CKAP2: variants seen among roughly 807,000 people sequenced by gnomAD.
The protein encoded by CKAP2 is cytoskeleton associated protein 2, also known as cytoskeleton-associated protein 2.
Under a neutral mutation model 58.4 loss-of-function variants are expected in CKAP2, and 46 were observed. The observed-to-expected ratio is 0.79, with a 90% CI of 0.62 to 1.01. CKAP2 has a LOEUF of 1.01. CKAP2 is among the 50% of genes least tolerant of loss of function. The pLI is 0.00. For missense variants in CKAP2, 809 were observed against 796.4 expected (o/e 1.02, Z -0.19); for synonymous variants, 293 against 280.9 (o/e 1.04, Z -0.43).
chr13:52,473,989 A>G lies in CKAP2; in HGVS notation c.1707A>G (p.Thr569=), dbSNP rs1202642152. ...GTGAAAAAGAGCAAGACAACAAAACAAAAGATCCAACCCATGATGTTAAAA... is the reference window on the plus strand; with the variant it reads ...GTGAAAAAGAGCAAGACAACAAAACGAAAGATCCAACCCATGATGTTAAAA... The part of the protein sequence containing the change: ...QDCEKEQDNK[T]KDPTHDVKTP... The change falls in exon 8 of 9, where the codon ACA becomes ACG. Residue 569 remains threonine (T), a synonymous_variant. Coordinates refer to ENST00000258607, the MANE Select transcript of CKAP2 (RefSeq NM_018204.5). 6.2e-7 allele frequency: 1 copy of G among 1,614,146 alleles called. No individual in the cohort carries two copies. Among genetic ancestry groups the G allele is most frequent in the Non-Finnish European group, 8.5e-7 (1 of 1,180,012 alleles).
chr13:52,475,225 C>A lies in CKAP2; in HGVS notation c.*84C>A. ...GAGTAGCTTTATATTGCTCTTAGGT[C>A]TGGAGTTGGCCATGTACCTATGTAT... On this transcript the variant is annotated 3_prime_UTR_variant, in exon 9 of 9. Coordinates refer to ENST00000258607, the MANE Select transcript of CKAP2 (RefSeq NM_018204.5). 1 of 1,511,160 alleles carries A rather than the reference C, an allele frequency of 6.6e-7. No homozygotes were observed. Among genetic ancestry groups the A allele is most frequent in the Non-Finnish European group, 8.9e-7 (1 of 1,123,936 alleles). 93.6% of individuals were successfully genotyped at this position (1,511,160 alleles called of 1,614,324 possible).
intron 7 of CKAP2, among the ~76,000 whole-genome samples, chr13:52,468,846 A>G (rs1259229302): frequency 6.6e-6 from 1 of 152,230 alleles, no homozygotes; most frequent in Non-Finnish European, 1.5e-5. Context: ...ATATGCGTGC[A>G]TGGATCTTTA....
At chr13:52,468,203 G>A (rs573948426) in intron 6 of CKAP2, 75 bp from the exon 7 acceptor site, 12 of 838,032 alleles carry the variant, frequency 1.4e-5, no homozygotes, top group Admixed American at 2.6e-5. Context: ...AAATTTAATC[G>A]CGACTTGGAT....
In CKAP2 at chr13:52,462,376, G is replaced by C; in HGVS notation, c.1114G>C (p.Glu372Gln). The C allele has an allele frequency of 6.2e-7, 1 of 1,614,054 alleles. No homozygotes were observed. The highest frequency in any genetic ancestry group is 8.5e-7 in the Non-Finnish European group (1 of 1,180,008). Residue 372 changes from glutamate to glutamine, a missense_variant, in exon 5 of 9, where the codon GAG (glutamate) becomes CAG (glutamine). By Grantham distance (29) the Glu-to-Gln change is conservative. Transcript: ENST00000258607. Reference protein sequence around the residue: ...TSEERKARLSEWKAGKGRVLK... With the variant: ...TSEERKARLSQWKAGKGRVLK... ...TTCTAACTATAGAGCTCGTCTGAGT[G>C]AGTGGAAAGCTGGCAAAGGAAGAGT...
chr13:52,473,946 A>AT lies in CKAP2; in HGVS notation c.1667dup (p.Leu556PhefsTer7). 1 of 1,614,110 alleles carries AT rather than the reference A, an allele frequency of 6.2e-7. No homozygotes were observed. The highest frequency in any genetic ancestry group is 8.5e-7 in the Non-Finnish European group (1 of 1,180,002). On this transcript the variant is annotated frameshift_variant, in exon 8 of 9. Transcript: ENST00000258607. LOFTEE classifies it high-confidence loss of function. ...GAAATGGAGAGTAAACTTCATAGAA[A>AT]TTTGCTATTTCAAGATTGTGAAAAA...
At chr13:52,467,050 T>C (rs956673749) in intron 6 of CKAP2, among the ~76,000 whole-genome samples, 8 of 146,392 alleles carry the variant, frequency 5.5e-5, no homozygotes, top group African/African-American at 2.0e-4. Context: ...TAGTGAGCCA[T>C]GATTATGCCA....
At chr13:52,468,548 C>T (rs767632586) in intron 7 of CKAP2, among the ~76,000 whole-genome samples, 1 of 152,058 alleles carries the variant, frequency 6.6e-6, no homozygotes, top group Non-Finnish European at 1.5e-5. Flanking sequence ...TTTTCCTGAT[C>T]CTCTCCCTCC....
chr13:52,455,968 C>A (rs1346113254), intron 1 of CKAP2: 1 of 1,102,846 alleles, frequency 9.1e-7, no homozygotes, highest in African/African-American at 1.7e-5. Flanking sequence ...GTTCAGGGAC[C>A]GACTGCGCCT....
intron 1 of CKAP2, chr13:52,456,087 AG>A: frequency 5.9e-6 from 6 of 1,019,616 alleles, no homozygotes; most frequent in Non-Finnish European, 7.0e-6. Context: ...ATGGAAACCG[AG>A]GGTTGGTTGG....
At chr13:52,456,802 T>G (rs1395232292) in intron 2 of CKAP2, among the ~76,000 whole-genome samples, 195 bp downstream of exon 2, 3 of 152,246 alleles carry the variant, frequency 2.0e-5, no homozygotes, top group East Asian at 3.8e-4. Flanking sequence ...TTACAGGACA[T>G]TTCCATTTGG....
rs116429154 is a variant in CKAP2 at position 52,472,193 on chromosome 13, T to C, written c.1547-1636T>C. 7.4e-3 allele frequency among the ~76,000 whole-genome samples: 1,126 copies of C among 152,288 alleles called. 6 individuals are homozygous for C. Among genetic ancestry groups the C allele is most frequent in the African/African-American group, 0.017 (703 of 41,574 alleles). Reference sequence around the variant, plus strand: ...TCAACCTAGGTTTAGTGCACCTGTTTTGTGCTCCCTGTTTTTTTCCCTATG... The same window carrying C: ...TCAACCTAGGTTTAGTGCACCTGTTCTGTGCTCCCTGTTTTTTTCCCTATG... On this transcript the variant is annotated intron_variant, in intron 7 of 8. Coordinates refer to ENST00000258607, the MANE Select transcript of CKAP2 (RefSeq NM_018204.5).
At chr13:52,458,906 A>G (rs1219053951) in intron 2 of CKAP2, among the ~76,000 whole-genome samples, 3 of 152,136 alleles carry the variant, frequency 2.0e-5, no homozygotes, top group African/African-American at 4.8e-5. Flanking sequence ...TTATCACCTC[A>G]GCAGTGAATC....
rs1241688846 is a variant in CKAP2, at chr13:52,456,519, C to G, written c.71-4C>G. ...GACTTGTAGCTCTTACCTTTGTTATCTAGAGCAAAGAAGACAAAAACTCAA... is the reference window on the plus strand; with the variant it reads ...GACTTGTAGCTCTTACCTTTGTTATGTAGAGCAAAGAAGACAAAAACTCAA... On this transcript the variant is annotated splice_polypyrimidine_tract_variant and splice_region_variant and intron_variant, in intron 1 of 8. Transcript: ENST00000258607. 9 of 1,605,360 alleles carry G rather than the reference C, an allele frequency of 5.6e-6. No individual in the cohort carries two copies. The highest frequency in any genetic ancestry group is 5.5e-5 in the South Asian group (5 of 90,284).
Position 52,461,121 on chromosome 13 carries a change from T to C in CKAP2, c.295T>C (p.Cys99Arg), listed in dbSNP as rs779723818. 7 of 1,611,658 alleles carry C rather than the reference T, an allele frequency of 4.3e-6. No individual in the cohort carries two copies. Among genetic ancestry groups the C allele is most frequent in the Non-Finnish European group, 5.9e-6 (7 of 1,179,358 alleles). Residue 99 changes from cysteine (C) to arginine (R), a missense_variant, in exon 4 of 9, where the codon TGT becomes CGT. By Grantham distance (180) the Cys-to-Arg change is radical. This residue lies in a region of CKAP2 where 523 missense variants were observed against 492.4 expected (regional missense o/e 1.06). Coordinates refer to ENST00000258607, the MANE Select transcript of CKAP2 (RefSeq NM_018204.5). ...SKNNTVVGKH[C>R]IPLKPSNELT... The stretch of plus-strand genomic sequence containing the variant: ...AAATAATACAGTGGTGGGGAAACAT[T>C]GTATTCCTTTAAAACCTTCAAATGA...
rs528877180 is a variant in CKAP2, at chr13:52,468,331, A to C, written c.1530A>C (p.Gln510His). 1.3e-6 allele frequency: 2 copies of C among 1,595,386 alleles called. No homozygotes were observed. The highest frequency in any genetic ancestry group is 1.7e-6 in the Non-Finnish European group (2 of 1,169,434). The change falls in exon 7 of 9, where the codon CAA becomes CAC. Residue 510 changes from glutamine (Q) to histidine (H), a missense_variant. Around this residue, in one of 3 missense-constraint regions of CKAP2, gnomAD observed 283 missense variants for 287.6 expected, o/e 0.98. Coordinates refer to ENST00000258607, the MANE Select transcript of CKAP2 (RefSeq NM_018204.5). The part of the protein sequence containing the change: ...TIVDILTMKS[Q>H]EKANLGENME... ...TAGATATTCTAACAATGAAGAGTCA[A>C]GAAAAAGCTAATTTAGGTAAGTTTT... is the stretch of plus-strand genomic sequence containing the variant.
Position 52,464,069 on chromosome 13 carries a change from C to A in CKAP2, c.1306-1226C>A, listed in dbSNP as rs115655635. 7.4e-3 allele frequency among the ~76,000 whole-genome samples: 1,126 copies of A among 152,234 alleles called. 6 individuals carry two copies. The highest frequency in any genetic ancestry group is 0.017 in the African/African-American group (703 of 41,518). ...ATTACAAATATTTGATTTCTCTGAG[C>A]TAATTAATATGTAATACACTGAGGT... On this transcript the variant is annotated intron_variant, in intron 5 of 8. Transcript: ENST00000258607.
At chr13:52,457,417 A>C (rs184592062) in intron 2 of CKAP2, among the ~76,000 whole-genome samples, 31 of 152,320 alleles carry the variant, frequency 2.0e-4, no homozygotes, top group Admixed American at 9.8e-4. Context: ...TTGTAGTCTC[A>C]ACCCTCCACA....
At position 52,465,316 on chromosome 13, in the gene CKAP2, C is replaced by G. The variant is rs192868791; in HGVS notation, c.1327C>G (p.Leu443Val). 8.6e-5 allele frequency: 138 copies of G among 1,612,046 alleles called. 1 individual carries two copies. In the East Asian group the frequency reaches 2.6e-3, roughly 31 times the overall value. ...INEGCPKEDI[L>V]VTLNDLIKNI... ...TTAGGGATGTCCAAAAGAAGATATA[C>G]TGGTCACACTGAATGACCTGATTAA... Residue 443 changes from leucine (L) to valine (V), a missense_variant, in exon 6 of 9, where the codon CTG (leucine) becomes GTG (valine). By Grantham distance (32) the Leu-to-Val change is conservative. Around this residue, in one of 3 missense-constraint regions of CKAP2, gnomAD observed 283 missense variants for 287.6 expected, o/e 0.98. Coordinates refer to ENST00000258607, the MANE Select transcript of CKAP2 (RefSeq NM_018204.5).
chr13:52,475,152 GCT>G lies in CKAP2; in HGVS notation c.*14_*15del, dbSNP rs754228810. On this transcript the variant is annotated 3_prime_UTR_variant, in exon 9 of 9. Coordinates refer to ENST00000258607, the MANE Select transcript of CKAP2 (RefSeq NM_018204.5). ...GCTGATACAACATAAGAGAAATAAA[GCT>G]CTGTTAGGGAATGGGGTTTTTATTA... 1.2e-6 allele frequency: 2 copies of G among 1,609,678 alleles called. No homozygotes were observed. Among genetic ancestry groups the G allele is most frequent in the African/African-American group, 2.7e-5 (2 of 74,748 alleles).
Sources: gnomAD v4.1 joint callset for allele counts (sites outside exome capture counted in the v4.1 genomes callset) on GRCh38, gnomAD v4.1.1 for gene constraint, gnomAD v4.1.1 regional missense constraint, MANE v1.5 for transcripts, NCBI Gene and HGNC (gene_info 2026-07-23, HGNC 2026-07-21) for gene names.